The following APH1B variants were observed in gnomAD, a reference collection of about 807,000 sequenced individuals.
APH1B encodes aph-1B gamma-secretase subunit.
A neutral mutation model predicts 28.2 loss-of-function variants in APH1B; 27 were observed. That is an observed-to-expected ratio of 0.96 (90% confidence interval 0.70 to 1.32). The LOEUF (loss-of-function observed/expected upper bound fraction) is 1.32, where lower values mean the gene tolerates loss of function less well. Ranked by LOEUF, APH1B falls within the 40% of genes most tolerant of loss-of-function variation. The pLI, the probability that APH1B is intolerant of heterozygous loss-of-function variation, is 0.00. For missense variants in APH1B, 305 were observed against 313.6 expected, an observed-to-expected ratio of 0.97 and a Z score of 0.21; for synonymous variants, 141 against 124.6, an observed-to-expected ratio of 1.13 and a Z score of -0.88.
chr15:63,288,862 G>A (rs1027662246), intron 4 of APH1B, among the ~76,000 whole-genome samples: 5 of 152,066 alleles, frequency 3.3e-5, no homozygotes, highest in African/African-American at 1.2e-4. Flanking sequence ...AAACATAATC[G>A]TAAGGGGTGT....
At position 63,293,515 on chromosome 15, in the gene APH1B, T is replaced by C. The variant is rs545768764; in HGVS notation, c.478+5969T>C. ...TTCTTCTTCTTTTTTTTTTTTTTCT[T>C]GAGACAGAGTCTTGCTCTGTTGCCC... On this transcript the variant is annotated intron_variant, in intron 4 of 5. Transcript: ENST00000261879. 3.4e-4 allele frequency among the ~76,000 whole-genome samples: 51 copies of C among 151,206 alleles called. No homozygotes were observed. The South Asian group carries it at 8.6e-3, about 25-fold the overall frequency.
At chr15:63,297,645 G>A (rs2038581591) in intron 4 of APH1B, among the ~76,000 whole-genome samples, 1 of 152,166 alleles carries the variant, frequency 6.6e-6, no homozygotes, top group South Asian at 2.1e-4. Context: ...GTAATTAAAA[G>A]GTTGTACTCT....
chr15:63,287,715 G>A (rs1276695048), intron 4 of APH1B, among the ~76,000 whole-genome samples, 169 bp downstream of exon 4: 1 of 152,198 alleles, frequency 6.6e-6, no homozygotes, highest in Non-Finnish European at 1.5e-5. Context: ...AAAAATTCTG[G>A]TTAGAGTGTT....
Position 63,305,814 on chromosome 15 carries a change from C to G in APH1B, c.*33C>G, listed in dbSNP as rs756051574. 6.3e-7 allele frequency: 1 copy of G among 1,591,964 alleles called. No homozygotes were observed. Among genetic ancestry groups the G allele is most frequent in the African/African-American group, 1.4e-5 (1 of 73,338 alleles). ...GAACCAGCACTTCCCAAACCGCAGA[C>G]TACATCTTTAGAGGAAGCACAACTG... is the stretch of plus-strand genomic sequence containing the variant. On this transcript the variant is annotated 3_prime_UTR_variant, in exon 6 of 6. Coordinates refer to ENST00000261879, the MANE Select transcript of APH1B (RefSeq NM_031301.4).
chr15:63,303,989 C>G (rs1387091659), intron 5 of APH1B, among the ~76,000 whole-genome samples: 1 of 151,962 alleles, frequency 6.6e-6, no homozygotes, highest in African/African-American at 2.4e-5. Flanking sequence ...ACTCAATTTT[C>G]AGAGTGATGG....
chr15:63,308,775 G>A lies in APH1B; in HGVS notation c.*2994G>A, dbSNP rs1238206090. 3 of 152,234 alleles carry A rather than the reference G, an allele frequency of 2.0e-5. No homozygotes were observed. Among genetic ancestry groups the A allele is most frequent in the Admixed American group, 6.5e-5 (1 of 15,288 alleles). The allele number at this position is 152,234 out of a possible 1,614,324, so 9.4% of individuals were successfully genotyped here. A position where few individuals can be genotyped will look rare whatever the true frequency, so the allele number is the denominator to read the frequency against. Reference sequence around the variant, plus strand: ...CTGATTCCAGGGAAGAGTTCCTGGAGGGTGTTGGCTGTTTTTGTTAGCTCA... The same window carrying A: ...CTGATTCCAGGGAAGAGTTCCTGGAAGGTGTTGGCTGTTTTTGTTAGCTCA... On this transcript the variant is annotated 3_prime_UTR_variant, in exon 6 of 6. Transcript: ENST00000261879.
At chr15:63,294,203 ACAT>A (rs2038539213) in intron 4 of APH1B, among the ~76,000 whole-genome samples, 1 of 152,128 alleles carries the variant, frequency 6.6e-6, no homozygotes, top group Non-Finnish European at 1.5e-5. Flanking sequence ...CATTTTTAAA[ACAT>A]CATCCAGTAT....
intron 5 of APH1B, among the ~76,000 whole-genome samples, chr15:63,303,753 A>G (rs918254957): frequency 3.9e-5 from 6 of 152,034 alleles, no homozygotes; most frequent in Non-Finnish European, 1.5e-5. Context: ...TCAGCCCCTC[A>G]AAGTGTTGGG....
chr15:63,287,262 C>T, intron 3 of APH1B, 162 bp from the exon 4 acceptor site: 1 of 832,696 alleles, frequency 1.2e-6, no homozygotes. Flanking sequence ...TCTGATTCAT[C>T]ATTTAGCCAA....
In APH1B at chr15:63,308,662, G is replaced by C. The variant is rs1315154074; in HGVS notation, c.*2881G>C. On this transcript the variant is annotated 3_prime_UTR_variant, in exon 6 of 6. Transcript: ENST00000261879. ...ATTCACCTCAGCCCAGCCCCAGACA[G>C]GCGTTAGCATTCAGTGTGGGCCCTC... 7 of 152,386 alleles carry C rather than the reference G, an allele frequency of 4.6e-5. No individual in the cohort carries two copies. The East Asian group carries it at 1.4e-3, about 29-fold the overall frequency. The allele number at this position is 152,386 out of a possible 1,614,324, so 9.4% of individuals were successfully genotyped here.
rs2038644907 is a variant in APH1B at position 63,302,632 on chromosome 15, A to G, written c.606+160A>G. The G allele has an allele frequency of 5.4e-6, 5 of 934,138 alleles. No homozygotes were observed. In the South Asian group the frequency reaches 1.2e-4, roughly 23 times the overall value. 57.9% of individuals were successfully genotyped at this position (934,138 alleles called of 1,614,324 possible). ...ATGAGTCATGTAAGTCTTACCACAA[A>G]AAGACCACCACTATTAATTTTTTGG... On this transcript the variant is annotated intron_variant, in intron 5 of 5. Coordinates refer to ENST00000261879, the MANE Select transcript of APH1B (RefSeq NM_031301.4).
At chr15:63,286,925 T>C (rs1234051648) in intron 3 of APH1B, among the ~76,000 whole-genome samples, 5 of 152,258 alleles carry the variant, frequency 3.3e-5, no homozygotes, top group Non-Finnish European at 7.3e-5. Flanking sequence ...TTACTTTCTC[T>C]GAATCTTACT....
intron 4 of APH1B, among the ~76,000 whole-genome samples, chr15:63,296,883 C>T (rs961164283): frequency 3.3e-5 from 5 of 152,202 alleles, no homozygotes; most frequent in African/African-American, 9.6e-5. Flanking sequence ...TGGTCTTGAT[C>T]TCCTGACCTG....
intron 4 of APH1B, among the ~76,000 whole-genome samples, chr15:63,296,823 A>G (rs1363114008): frequency 1.3e-5 from 2 of 151,788 alleles, no homozygotes; most frequent in Non-Finnish European, 2.9e-5. Flanking sequence ...ATGCCTGGCT[A>G]ATTTTTTGTA....
chr15:63,287,390 GAA>G (rs1567028840), intron 3 of APH1B, 32 bp from the exon 4 acceptor site: 1 of 1,608,256 alleles, frequency 6.2e-7, no homozygotes, highest in South Asian at 1.1e-5. Flanking sequence ...ATCTTGGCAG[GAA>G]AAGAGTTAAC....
intron 1 of APH1B, chr15:63,278,256 AAT>A (rs947933424): frequency 4.5e-5 from 20 of 440,810 alleles, no homozygotes; most frequent in East Asian, 2.2e-4. Context: ...AAAAAAAAAA[AAT>A]TTAAGCTCCT....
intron 1 of APH1B, 31 bp from the exon 2 acceptor site, chr15:63,279,130 C>T: frequency 1.3e-6 from 2 of 1,516,236 alleles, no homozygotes; most frequent in South Asian, 1.3e-5. Context: ...TACTGATGTT[C>T]ACTTGTAACT....
chr15:63,300,017 T>C (rs532700350), intron 4 of APH1B, among the ~76,000 whole-genome samples: 2 of 152,200 alleles, frequency 1.3e-5, no homozygotes, highest in South Asian at 2.1e-4. Flanking sequence ...TCATATATTA[T>C]ATGTGCATGA....
At chr15:63,277,904 C>T in intron 1 of APH1B, 168 bp downstream of exon 1, 1 of 675,078 alleles carries the variant, frequency 1.5e-6, no homozygotes. Flanking sequence ...GCGCCTCGCC[C>T]TCTTAGGAAG....
Sources: allele counts gnomAD v4.1 joint callset (sites outside exome capture counted in the v4.1 genomes callset), GRCh38; gene constraint gnomAD v4.1.1; transcripts MANE v1.5; gene names NCBI Gene and HGNC (gene_info 2026-07-23, HGNC 2026-07-21).